The following ACKR2 variants were observed in gnomAD, a reference collection of about 807,000 sequenced individuals.
The protein encoded by ACKR2 is C-C chemokine receptor D6.
For missense variants in ACKR2, 457 were observed against 477.3 expected (o/e 0.96, Z 0.40); for synonymous variants, 207 against 192.2 (o/e 1.08, Z -0.64).
Position 42,866,019 on chromosome 3 carries a change from CAGGCTGGAATGCAGTGG to C in ACKR2, c.*363_*379del. 2 of 210,454 alleles carry C rather than the reference CAGGCTGGAATGCAGTGG, an allele frequency of 9.5e-6. No homozygotes were observed. The highest frequency in any genetic ancestry group is 1.9e-5 in the Non-Finnish European group (2 of 104,522). The allele number at this position is 210,454 out of a possible 1,614,324, so 13.0% of individuals were successfully genotyped here. On this transcript the variant is annotated 3_prime_UTR_variant, in exon 3 of 3. Transcript: ENST00000422265. Reference sequence around the variant, plus strand: ...GGTCTTGCTCTATTGCTCTGTCACCCAGGCTGGAATGCAGTGGCGAGATCTCCGCTCACTGTAGCCTC... The same window carrying C: ...GGTCTTGCTCTATTGCTCTGTCACCCCGAGATCTCCGCTCACTGTAGCCTC...
At chr3:42,811,865 T>G (rs924066462) in intron 1 of ACKR2, among the ~76,000 whole-genome samples, 1 of 152,204 alleles carries the variant, frequency 6.6e-6, no homozygotes, top group African/African-American at 2.4e-5. Flanking sequence ...CTGGCCTACG[T>G]GCACATCCGG....
Position 42,866,014 on chromosome 3 carries a change from T to TTTTTTAATGA in ACKR2, c.*357_*358insTTTTTAATGA. On this transcript the variant is annotated 3_prime_UTR_variant, in exon 3 of 3. Transcript: ENST00000422265. ...GACAGGGTCTTGCTCTATTGCTCTG[T>TTTTTTAATGA]CACCCAGGCTGGAATGCAGTGGCGA... 18 of 230,870 alleles carry TTTTTTAATGA rather than the reference T, an allele frequency of 7.8e-5. No individual in the cohort carries two copies. Among genetic ancestry groups the TTTTTTAATGA allele is most frequent in the East Asian group, 2.2e-4 (2 of 8,978 alleles). The allele number at this position is 230,870 out of a possible 1,614,324, so 14.3% of individuals were successfully genotyped here.
intron 2 of ACKR2, chr3:42,835,944 G>A (rs550533480): frequency 2.6e-5 from 4 of 152,214 alleles, no homozygotes; most frequent in South Asian, 2.1e-4. Context: ...GGGTGAAGGA[G>A]CATCATAGAA....
chr3:42,829,838 A>G (rs1383378981), intron 2 of ACKR2, among the ~76,000 whole-genome samples: 1 of 152,184 alleles, frequency 6.6e-6, no homozygotes. Flanking sequence ...AAGGGGCTGT[A>G]CCTTGACTGC....
chr3:42,844,005 C>T (rs1023097424), intron 2 of ACKR2: 1 of 152,340 alleles, frequency 6.6e-6, no homozygotes, highest in Middle Eastern at 3.4e-3. Flanking sequence ...TCTACCTCTC[C>T]GGGAACCCGC....
chr3:42,846,696 T>C (rs1701101281), intron 2 of ACKR2, among the ~76,000 whole-genome samples: 1 of 151,868 alleles, frequency 6.6e-6, no homozygotes. Context: ...GGTGGTGGAG[T>C]CTTTGTATAA....
intron 2 of ACKR2, among the ~76,000 whole-genome samples, chr3:42,828,074 T>TTTTATA (rs548232060): frequency 8.2e-6 from 1 of 122,518 alleles, no homozygotes; most frequent in Admixed American, 8.5e-5. Flanking sequence ...GATGCTTGCA[T>TTTTATA]TATATATATA....
At chr3:42,811,455 G>C (rs548773162) in intron 1 of ACKR2, among the ~76,000 whole-genome samples, 1 of 152,092 alleles carries the variant, frequency 6.6e-6, no homozygotes, top group East Asian at 1.9e-4. Flanking sequence ...CTCCATTCTC[G>C]ATTAACCAGG....
At chr3:42,827,569 A>T (rs1013304707) in intron 2 of ACKR2, among the ~76,000 whole-genome samples, 4 of 152,192 alleles carry the variant, frequency 2.6e-5, no homozygotes, top group African/African-American at 7.2e-5. Context: ...CAGAGCCATA[A>T]ACTACCTACA....
chr3:42,848,213 ATTTTTTTTTTTT>A lies in ACKR2; in HGVS notation c.-37-16241_-37-16230del, dbSNP rs36054454. ...AGGCTAACTCTTTTAAAAAAAAAAAATTTTTTTTTTTTTTTTTTTTTTTGAGATGGGGTCTCC... is the reference window on the plus strand; with the variant it reads ...AGGCTAACTCTTTTAAAAAAAAAAAATTTTTTTTTTTGAGATGGGGTCTCC... On this transcript the variant is annotated intron_variant, in intron 2 of 2. Transcript: ENST00000422265. Among the ~76,000 whole-genome samples, 16 of 74,910 alleles carry A rather than the reference ATTTTTTTTTTTT, an allele frequency of 2.1e-4. No homozygotes were observed. In the Admixed American group the frequency reaches 2.8e-3, roughly 13 times the overall value. 49.1% of individuals were successfully genotyped at this position (74,910 alleles called of 152,430 possible). A position where few individuals can be genotyped will look rare whatever the true frequency, so the allele number is the denominator to read the frequency against.
At chr3:42,820,881 T>C (rs1700803878) in intron 2 of ACKR2, among the ~76,000 whole-genome samples, 1 of 143,172 alleles carries the variant, frequency 7.0e-6, no homozygotes, top group Admixed American at 8.0e-5. Context: ...AGTTCATCAA[T>C]AGTTTTTTTT....
rs1201953492 is a variant in ACKR2 at position 42,825,894 on chromosome 3, A to G, written c.-38+6183A>G. 2.1e-5 allele frequency among the ~76,000 whole-genome samples: 3 copies of G among 144,448 alleles called. No individual in the cohort carries two copies. In the East Asian group the frequency reaches 6.0e-4, roughly 29 times the overall value. The allele number at this position is 144,448 out of a possible 152,430, so 94.8% of individuals were successfully genotyped here. ...TTTTTTTTTGTAGATACCATTAATC[A>G]GGTTGAGGATGTTCCCTAGTTTATT... is the stretch of plus-strand genomic sequence containing the variant. On this transcript the variant is annotated intron_variant, in intron 2 of 2. Coordinates refer to ENST00000422265, the MANE Select transcript of ACKR2 (RefSeq NM_001296.5).
intron 2 of ACKR2, among the ~76,000 whole-genome samples, chr3:42,847,569 G>C (rs2125616824): frequency 6.6e-6 from 1 of 152,240 alleles, no homozygotes; most frequent in Middle Eastern, 3.4e-3. Flanking sequence ...GCCAGAATGG[G>C]GTGAATTTTG....
intron 1 of ACKR2, among the ~76,000 whole-genome samples, chr3:42,813,060 A>G (rs1327181671): frequency 6.6e-6 from 1 of 152,234 alleles, no homozygotes; most frequent in Non-Finnish European, 1.5e-5. Context: ...TAATGTGAAC[A>G]GTGCTGTTAA....
intron 2 of ACKR2, among the ~76,000 whole-genome samples, chr3:42,839,540 T>C (rs62247898): frequency 0.051 from 7,789 of 152,228 alleles, 233 homozygotes; most frequent in South Asian, 0.12. Context: ...GCAAACATAA[T>C]GTTGAACAAA....
At chr3:42,828,092 A>ATATTTTTT (rs1193533555) in intron 2 of ACKR2, among the ~76,000 whole-genome samples, 46 of 121,890 alleles carry the variant, frequency 3.8e-4, no homozygotes, top group Middle Eastern at 4.5e-3. Flanking sequence ...ATATATATAT[A>ATATTTTTT]TTTTTTTTTT....
chr3:42,828,716 T>A (rs1700898177), intron 2 of ACKR2, among the ~76,000 whole-genome samples: 1 of 152,104 alleles, frequency 6.6e-6, no homozygotes, highest in Admixed American at 6.5e-5. Flanking sequence ...GACTGATGAT[T>A]TGGGGGGCTA....
intron 2 of ACKR2, among the ~76,000 whole-genome samples, chr3:42,827,760 A>G (rs1700882794): frequency 6.6e-6 from 1 of 152,136 alleles, no homozygotes; most frequent in Non-Finnish European, 1.5e-5. Context: ...CATGCGTGGG[A>G]AAGAGGCTTG....
Position 42,864,451 on chromosome 3 carries a change from ATT to A in ACKR2, c.-37-12_-37-11del, listed in dbSNP as rs2088413025. 3.3e-6 allele frequency: 5 copies of A among 1,536,942 alleles called. No homozygotes were observed. Among genetic ancestry groups the A allele is most frequent in the Non-Finnish European group, 4.4e-6 (5 of 1,145,240 alleles). On this transcript the variant is annotated splice_polypyrimidine_tract_variant and intron_variant, in intron 2 of 2. Coordinates refer to ENST00000422265, the MANE Select transcript of ACKR2 (RefSeq NM_001296.5). Reference sequence around the variant, plus strand: ...GGTAGAGAATGCTAGGTCTCACCATATTTTCCCCCCGCAGCACTACAGGACGT... The same window carrying A: ...GGTAGAGAATGCTAGGTCTCACCATATTCCCCCCGCAGCACTACAGGACGT...
Sources: gnomAD v4.1 joint callset for allele counts (sites outside exome capture counted in the v4.1 genomes callset) on GRCh38, gnomAD v4.1.1 for gene constraint, MANE v1.5 for transcripts, NCBI Gene and HGNC (gene_info 2026-07-23, HGNC 2026-07-21) for gene names.